The following ZNF236 variants were observed in gnomAD, a reference collection of about 807,000 sequenced individuals.
ZNF236 encodes regulated by glucose.
ZNF236 carries 50 observed loss-of-function variants against 191.2 expected under a neutral mutation model. The observed-to-expected ratio is 0.26, with a 90% CI of 0.21 to 0.33. The LOEUF is 0.33. ZNF236 is among the 10% of genes least tolerant of loss of function. The pLI is 1.00. For synonymous variants in ZNF236, 907 were observed against 928.8 expected (o/e 0.98, Z 0.43); for missense variants, 1,754 against 2,374.5 (o/e 0.74, Z 5.43).
chr18:76,852,779 C>A (rs1461779800), intron 3 of ZNF236, among the ~76,000 whole-genome samples: 1 of 152,140 alleles, frequency 6.6e-6, no homozygotes, highest in African/African-American at 2.4e-5. Flanking sequence ...GGTATATTTT[C>A]TTCCGGAGAC....
chr18:76,934,079 T>C (rs1967931082), intron 25 of ZNF236, among the ~76,000 whole-genome samples: 1 of 152,248 alleles, frequency 6.6e-6, no homozygotes, highest in East Asian at 1.9e-4. Flanking sequence ...ATGGCTATTA[T>C]TATTTTTTGA....
At chr18:76,868,901 T>C (rs898846789) in intron 4 of ZNF236, 38 bp downstream of exon 4, 1 of 1,542,374 alleles carries the variant, frequency 6.5e-7, no homozygotes, top group Non-Finnish European at 8.7e-7. Flanking sequence ...AAAATCCATC[T>C]AATATGTTAA....
chr18:76,937,433 C>G, intron 26 of ZNF236, 90 bp downstream of exon 26: 1 of 1,230,688 alleles, frequency 8.1e-7, no homozygotes, highest in South Asian at 2.4e-5. Context: ...AATAAATAGT[C>G]TGAGCATTTT....
rs146029397 is a variant in ZNF236 at position 76,851,640 on chromosome 18, A to T, written c.199-135A>T. 1,074 of 914,562 alleles carry T rather than the reference A, an allele frequency of 1.2e-3. 9 individuals are homozygous for T. In the African/African-American group the frequency reaches 0.016, roughly 14 times the overall value. 56.7% of individuals were successfully genotyped at this position (914,562 alleles called of 1,614,324 possible). A position where few individuals can be genotyped will look rare whatever the true frequency, so the allele number is the denominator to read the frequency against. On this transcript the variant is annotated intron_variant, in intron 2 of 30. Transcript: ENST00000320610. ...GTGTTTATTTTGGATTTATTGACTTAAGAGCCAGAGGAGACTTCAGAAGTT... is the reference window on the plus strand; with the variant it reads ...GTGTTTATTTTGGATTTATTGACTTTAGAGCCAGAGGAGACTTCAGAAGTT...
At chr18:76,917,365 A>G (rs1967397344) in intron 19 of ZNF236, among the ~76,000 whole-genome samples, 1 of 152,190 alleles carries the variant, frequency 6.6e-6, no homozygotes, top group Admixed American at 6.5e-5. Context: ...GCCGCTTTAC[A>G]TATTCTTTCC....
At chr18:76,921,006 A>G (rs1247690633) in intron 20 of ZNF236, among the ~76,000 whole-genome samples, 2 of 152,260 alleles carry the variant, frequency 1.3e-5, no homozygotes, top group East Asian at 1.9e-4. Context: ...CAGCAACTTA[A>G]TAAAACAAAC....
chr18:76,952,284 C>T (rs1968427966), intron 27 of ZNF236, among the ~76,000 whole-genome samples: 1 of 152,184 alleles, frequency 6.6e-6, no homozygotes, highest in Admixed American at 6.5e-5. Flanking sequence ...AAGAGAAATT[C>T]TCTTAGATGT....
intron 25 of ZNF236, 108 bp from the exon 26 acceptor site, chr18:76,937,048 C>T (rs551192236): frequency 1.0e-5 from 10 of 982,990 alleles, no homozygotes; most frequent in Non-Finnish European, 9.2e-6. Flanking sequence ...TTGGAGACCT[C>T]GGGCATGAAT....
intron 9 of ZNF236, among the ~76,000 whole-genome samples, chr18:76,884,747 T>C (rs151205608): frequency 2.2e-4 from 33 of 152,312 alleles, no homozygotes; most frequent in African/African-American, 7.7e-4. Context: ...GAAATTATTA[T>C]CTCTGCAAGT....
chr18:76,909,541 C>T (rs532862045), intron 14 of ZNF236, among the ~76,000 whole-genome samples: 1 of 152,244 alleles, frequency 6.6e-6, no homozygotes, highest in South Asian at 2.1e-4. Context: ...GAATATAAAG[C>T]AGCACTTTGC....
chr18:76,826,130 T>C (rs1975011322), intron 1 of ZNF236, among the ~76,000 whole-genome samples: 1 of 152,046 alleles, frequency 6.6e-6, no homozygotes, highest in South Asian at 2.1e-4. Context: ...TTTTTTTTCT[T>C]TTTGAGTTGG....
intron 15 of ZNF236, 114 bp downstream of exon 15, chr18:76,910,283 A>G (rs1967183533): frequency 1.1e-6 from 1 of 897,992 alleles, no homozygotes; most frequent in African/African-American, 1.7e-5. Flanking sequence ...TATGGTTTCA[A>G]ACCAAATAAC....
intron 28 of ZNF236, among the ~76,000 whole-genome samples, 176 bp from the exon 29 acceptor site, chr18:76,959,511 T>G (rs1599428209): frequency 6.6e-6 from 1 of 152,022 alleles, no homozygotes; most frequent in Non-Finnish European, 1.5e-5. Context: ...AGCCCCAGTG[T>G]TGTCACTCTG....
At chr18:76,952,193 TC>T (rs1968426142) in intron 27 of ZNF236, among the ~76,000 whole-genome samples, 1 of 152,186 alleles carries the variant, frequency 6.6e-6, no homozygotes, top group South Asian at 2.1e-4. Flanking sequence ...CCACAAACTT[TC>T]AATTTGTAAA....
intron 15 of ZNF236, among the ~76,000 whole-genome samples, 172 bp from the exon 16 acceptor site, chr18:76,910,488 C>G (rs532993671): frequency 6.6e-6 from 1 of 152,188 alleles, no homozygotes; most frequent in Non-Finnish European, 1.5e-5. Flanking sequence ...TGAGCACAGC[C>G]TCCTGCCTGT....
intron 28 of ZNF236, among the ~76,000 whole-genome samples, chr18:76,957,155 G>A (rs1412262943): frequency 6.6e-6 from 1 of 152,032 alleles, no homozygotes; most frequent in Non-Finnish European, 1.5e-5. Flanking sequence ...TGTTGGGGGG[G>A]TGGGGATTGT....
intron 1 of ZNF236, among the ~76,000 whole-genome samples, chr18:76,848,995 T>G (rs1343115969): frequency 6.6e-6 from 1 of 152,216 alleles, no homozygotes; most frequent in Non-Finnish European, 1.5e-5. Flanking sequence ...TTGCAGCAGT[T>G]TTGAGACATT....
chr18:76,832,444 T>G (rs1234050514), intron 1 of ZNF236, among the ~76,000 whole-genome samples: 2 of 142,606 alleles, frequency 1.4e-5, no homozygotes, highest in African/African-American at 5.4e-5. Flanking sequence ...AGGTCAGGAT[T>G]TTTTTTTTTT....
chr18:76,956,623 T>C (rs1010916972), intron 28 of ZNF236, among the ~76,000 whole-genome samples: 3 of 152,180 alleles, frequency 2.0e-5, no homozygotes, highest in Non-Finnish European at 1.5e-5. Flanking sequence ...AAGATGCCCC[T>C]CCAGCCTCCC....
Sources: allele counts gnomAD v4.1 joint callset (sites outside exome capture counted in the v4.1 genomes callset), GRCh38; gene constraint gnomAD v4.1.1; transcripts MANE v1.5; gene names NCBI Gene and HGNC (gene_info 2026-07-23, HGNC 2026-07-21).